LDLRAD4: variants seen among roughly 807,000 people sequenced by gnomAD.
LDLRAD4 encodes the protein low-density lipoprotein receptor class A domain-containing protein 4.
LDLRAD4 carries 5 observed loss-of-function variants against 17.0 expected under a neutral mutation model. That is an observed-to-expected ratio of 0.29 (90% CI 0.15 to 0.62). The LOEUF (loss-of-function observed/expected upper bound fraction) is 0.62, where lower values mean the gene tolerates loss of function less well. Ranked by LOEUF, LDLRAD4 falls within the 20% of genes least tolerant of loss-of-function variation. LDLRAD4 has a pLI of 0.84. For missense variants in LDLRAD4, 340 were observed against 424.7 expected (o/e 0.80, Z 1.75); for synonymous variants, 168 against 171.8 (o/e 0.98, Z 0.17).
intron 1 of LDLRAD4, among the ~76,000 whole-genome samples, chr18:13,318,504 T>A (rs536200947): frequency 1.3e-5 from 2 of 152,306 alleles, no homozygotes; most frequent in East Asian, 3.9e-4. Context: ...TCAGGAGATT[T>A]ACCTGCCTTA....
At chr18:13,580,909 A>G (rs965640949) in intron 3 of LDLRAD4, among the ~76,000 whole-genome samples, 8 of 152,196 alleles carry the variant, frequency 5.3e-5, no homozygotes, top group African/African-American at 1.4e-4. Flanking sequence ...TGGTTTTGCA[A>G]TTGAATAATT....
At chr18:13,452,759 A>G (rs1315195902) in intron 3 of LDLRAD4, among the ~76,000 whole-genome samples, 1 of 152,152 alleles carries the variant, frequency 6.6e-6, no homozygotes, top group Non-Finnish European at 1.5e-5. Flanking sequence ...ACTAATTGCT[A>G]AGTGCTTTAC....
intron 2 of LDLRAD4, among the ~76,000 whole-genome samples, chr18:13,395,154 G>T (rs1454695877): frequency 6.6e-6 from 1 of 152,046 alleles, no homozygotes; most frequent in African/African-American, 2.4e-5. Context: ...CACTGAGGTA[G>T]AGATAATGGC....
At chr18:13,611,470 C>G in intron 3 of LDLRAD4, 1 of 985,216 alleles carries the variant, frequency 1.0e-6, no homozygotes, top group South Asian at 4.7e-5. Flanking sequence ...CTTCACACAG[C>G]CTGGGGGCAT....
chr18:13,225,334 G>C (rs998355994), intron 1 of LDLRAD4, among the ~76,000 whole-genome samples: 1 of 152,202 alleles, frequency 6.6e-6, no homozygotes, highest in Non-Finnish European at 1.5e-5. Flanking sequence ...GTATCAGGCA[G>C]GAAAGGGTGT....
At chr18:13,509,020 C>T (rs181411666) in intron 3 of LDLRAD4, among the ~76,000 whole-genome samples, 40 of 152,220 alleles carry the variant, frequency 2.6e-4, no homozygotes, top group Admixed American at 2.2e-3. Context: ...ATATCAGCAT[C>T]GGCCAGGCAC....
intron 3 of LDLRAD4, among the ~76,000 whole-genome samples, chr18:13,442,725 T>C (rs1485167691): frequency 6.6e-6 from 1 of 152,116 alleles, no homozygotes; most frequent in East Asian, 1.9e-4. Flanking sequence ...CTTGGCCACA[T>C]CTTAGTGGGG....
At chr18:13,401,927 A>G (rs2087249605) in intron 2 of LDLRAD4, among the ~76,000 whole-genome samples, 1 of 152,082 alleles carries the variant, frequency 6.6e-6, no homozygotes, top group Admixed American at 6.5e-5. Flanking sequence ...CGCTTCCCTG[A>G]GGTTTGTGGA....
At chr18:13,544,026 GCA>G (rs2094324040) in intron 3 of LDLRAD4, among the ~76,000 whole-genome samples, 1 of 152,258 alleles carries the variant, frequency 6.6e-6, no homozygotes, top group Admixed American at 6.5e-5. Context: ...GCACATGCAT[GCA>G]CACAGTGTGC....
At chr18:13,346,632 T>A (rs1215020355) in intron 1 of LDLRAD4, among the ~76,000 whole-genome samples, 2 of 152,222 alleles carry the variant, frequency 1.3e-5, no homozygotes, top group African/African-American at 4.8e-5. Flanking sequence ...TGGACATCCT[T>A]GTTGACTTTC....
chr18:13,446,658 T>G (rs948018311), intron 3 of LDLRAD4, among the ~76,000 whole-genome samples: 12 of 152,352 alleles, frequency 7.9e-5, no homozygotes, highest in Non-Finnish European at 1.6e-4. Flanking sequence ...CTCACTGTCT[T>G]GTCAGGAGGA....
intron 3 of LDLRAD4, among the ~76,000 whole-genome samples, chr18:13,509,094 G>A (rs1423338628): frequency 3.3e-5 from 5 of 152,166 alleles, no homozygotes; most frequent in Non-Finnish European, 7.3e-5. Context: ...CCTGAGCCCA[G>A]GAGTTCAAGA....
chr18:13,312,571 AT>A (rs1215036318), intron 1 of LDLRAD4, among the ~76,000 whole-genome samples: 1 of 152,136 alleles, frequency 6.6e-6, no homozygotes, highest in Admixed American at 6.5e-5. Context: ...AAGAGACCCC[AT>A]CCCTACAAAA....
chr18:13,251,562 G>A (rs1022229113), intron 1 of LDLRAD4, among the ~76,000 whole-genome samples: 1 of 152,090 alleles, frequency 6.6e-6, no homozygotes, highest in African/African-American at 2.4e-5. Flanking sequence ...AATCAATATT[G>A]TTTCTATAGA....
At chr18:13,423,415 C>G (rs2089657857) in intron 2 of LDLRAD4, among the ~76,000 whole-genome samples, 1 of 151,998 alleles carries the variant, frequency 6.6e-6, no homozygotes, top group African/African-American at 2.4e-5. Context: ...ATCTCTTGAA[C>G]CCGGGAGGCA....
At chr18:13,348,400 A>G (rs1348029685) in intron 1 of LDLRAD4, among the ~76,000 whole-genome samples, 3 of 152,190 alleles carry the variant, frequency 2.0e-5, no homozygotes, top group African/African-American at 7.2e-5. Context: ...ATTGGTGAAC[A>G]GCAAATGTTG....
rs997393781 is a variant in LDLRAD4, at chr18:13,291,370, G to A, written c.-383+13182G>A. Among the ~76,000 whole-genome samples, 10 of 152,326 alleles carry A rather than the reference G, an allele frequency of 6.6e-5. No individual in the cohort carries two copies. The East Asian group carries it at 1.7e-3, about 26-fold the overall frequency. On this transcript the variant is annotated intron_variant, in intron 1 of 5. Transcript: ENST00000359446. Reference sequence around the variant, plus strand: ...CATTCACTTATTTATTCAATACATAGTTATTGAGTATTTGCTGAAGGAAAC... The same window carrying A: ...CATTCACTTATTTATTCAATACATAATTATTGAGTATTTGCTGAAGGAAAC...
At chr18:13,579,928 C>A (rs1276743076) in intron 3 of LDLRAD4, among the ~76,000 whole-genome samples, 1 of 152,134 alleles carries the variant, frequency 6.6e-6, no homozygotes, top group South Asian at 2.1e-4. Context: ...GGCTGCTGTC[C>A]GATGCTGTGA....
chr18:13,516,511 C>T (rs1470238165), intron 3 of LDLRAD4, among the ~76,000 whole-genome samples: 2 of 152,118 alleles, frequency 1.3e-5, no homozygotes, highest in African/African-American at 2.4e-5. Context: ...CTGGTAGCGC[C>T]CTCCTTCACA....
Sources: gnomAD v4.1 joint callset for allele counts (sites outside exome capture counted in the v4.1 genomes callset) on GRCh38, gnomAD v4.1.1 for gene constraint, MANE v1.5 for transcripts, NCBI Gene and HGNC (gene_info 2026-07-23, HGNC 2026-07-21) for gene names.